RMDN2: variants seen among roughly 807,000 people sequenced by gnomAD.
The protein encoded by RMDN2 is regulator of microtubule dynamics protein 2.
RMDN2 carries 61 observed loss-of-function variants against 52.8 expected under a neutral mutation model. The observed-to-expected ratio is 1.16, with a 90% confidence interval of 0.94 to 1.43. RMDN2 has a LOEUF of 1.43. RMDN2 is among the 40% of genes most tolerant of loss of function. RMDN2 has a pLI of 0.00. For synonymous variants in RMDN2, 180 were observed against 153.1 expected (o/e 1.18, Z -1.30); for missense variants, 592 against 475.3 (o/e 1.25, Z -2.28).
chr2:37,950,610 A>G, intron 2 of RMDN2: 1 of 1,612,590 alleles, frequency 6.2e-7, no homozygotes, highest in Non-Finnish European at 8.5e-7. Context: ...GCCTTAGAAA[A>G]AAACTTCAAC....
chr2:37,962,362 T>C (rs1427191471), intron 2 of RMDN2, among the ~76,000 whole-genome samples: 2 of 152,224 alleles, frequency 1.3e-5, no homozygotes, highest in African/African-American at 4.8e-5. Context: ...TGACTGGTGC[T>C]GCTGCCTTTC....
intron 1 of RMDN2, among the ~76,000 whole-genome samples, chr2:37,928,524 C>T (rs1366741533): frequency 6.6e-6 from 1 of 152,246 alleles, no homozygotes; most frequent in African/African-American, 2.4e-5. Flanking sequence ...CAGCTATTTA[C>T]TTTGCTTCCT....
chr2:37,988,455 C>A (rs1406047362), intron 5 of RMDN2, among the ~76,000 whole-genome samples: 2 of 152,064 alleles, frequency 1.3e-5, no homozygotes, highest in East Asian at 3.9e-4. Flanking sequence ...TATACAGAAA[C>A]TGAAAACAGA....
intron 10 of RMDN2, among the ~76,000 whole-genome samples, chr2:38,015,293 G>A (rs750733977): frequency 2.6e-5 from 4 of 152,192 alleles, no homozygotes; most frequent in Non-Finnish European, 4.4e-5. Context: ...TCGACTGGGC[G>A]TGGTGGCTCA....
rs752146621 is a variant in RMDN2, at chr2:38,004,050, G to A, written c.1098+6G>A. 1.2e-6 allele frequency: 2 copies of A among 1,611,330 alleles called. No homozygotes were observed. Among genetic ancestry groups the A allele is most frequent in the Non-Finnish European group, 1.7e-6 (2 of 1,177,626 alleles). On this transcript the variant is annotated splice_donor_region_variant and intron_variant, in intron 9 of 10. Transcript: ENST00000354545. ...ATTACATGTACTTAGCAAAGGTAAT[G>A]AAGACCACTGTTCTGCTTTAAGATC... is the stretch of plus-strand genomic sequence containing the variant.
chr2:37,950,254 C>T, intron 2 of RMDN2: 1 of 459,802 alleles, frequency 2.2e-6, no homozygotes, highest in Non-Finnish European at 4.0e-6. Context: ...GTACAGCTGT[C>T]ATATATGTTA....
chr2:37,931,920 C>A (rs1476969384), intron 2 of RMDN2, among the ~76,000 whole-genome samples: 3 of 152,140 alleles, frequency 2.0e-5, no homozygotes, highest in African/African-American at 7.2e-5. Context: ...GTGCCTTGGA[C>A]TACAGCAAAT....
intron 2 of RMDN2, among the ~76,000 whole-genome samples, chr2:37,965,684 C>G (rs1670946810): frequency 6.6e-6 from 1 of 151,898 alleles, no homozygotes; most frequent in Non-Finnish European, 1.5e-5. Flanking sequence ...TTATATTTTC[C>G]CATGTCTTTA....
intron 2 of RMDN2, among the ~76,000 whole-genome samples, chr2:37,970,525 G>A (rs1671673249): frequency 6.6e-6 from 1 of 152,192 alleles, no homozygotes; most frequent in East Asian, 1.9e-4. Context: ...TTTGGTTTTT[G>A]TGTCAGTTAT....
At chr2:37,922,956 G>C (rs147502964), upstream of RMDN2, among the ~76,000 whole-genome samples, 1 of 152,350 alleles carries the variant, frequency 6.6e-6, no homozygotes, top group African/African-American at 2.4e-5. Context: ...AGCTGGAAAA[G>C]TAGGTTGGGG....
At chr2:37,935,084 ATT>A (rs1307309320) in intron 2 of RMDN2, among the ~76,000 whole-genome samples, 3 of 152,104 alleles carry the variant, frequency 2.0e-5, no homozygotes, top group African/African-American at 7.2e-5. Context: ...AGATATTTTC[ATT>A]TACTGTTAGG....
At chr2:38,030,494 A>C (rs945919761) in intron 10 of RMDN2, 2 of 152,228 alleles carry the variant, frequency 1.3e-5, no homozygotes, top group African/African-American at 4.8e-5. Context: ...GAATTGGAAA[A>C]GTAAAAGATG....
At chr2:37,930,098 T>G (rs929934043) in intron 2 of RMDN2, among the ~76,000 whole-genome samples, 9 of 152,248 alleles carry the variant, frequency 5.9e-5, no homozygotes, top group Non-Finnish European at 1.0e-4. Context: ...ATGGAAATGG[T>G]CCAAGTCTGT....
chr2:38,000,128 G>A (rs574809372), intron 8 of RMDN2, among the ~76,000 whole-genome samples: 1 of 152,296 alleles, frequency 6.6e-6, no homozygotes, highest in African/African-American at 2.4e-5. Context: ...ATCTAGGGAG[G>A]TGGTTTAGAC....
intron 2 of RMDN2, among the ~76,000 whole-genome samples, chr2:37,964,144 G>A (rs980536938): frequency 5.3e-5 from 8 of 151,566 alleles, no homozygotes; most frequent in East Asian, 3.9e-4. Flanking sequence ...CAGACGGGGC[G>A]CCTGCCGGGC....
intron 2 of RMDN2, among the ~76,000 whole-genome samples, chr2:37,943,407 C>G (rs1215622545): frequency 6.6e-6 from 1 of 152,152 alleles, no homozygotes; most frequent in East Asian, 1.9e-4. Context: ...CTTTCTGATC[C>G]AAGCAGGAAT....
intron 2 of RMDN2, among the ~76,000 whole-genome samples, chr2:37,936,410 G>GT (rs1667291770): frequency 6.6e-6 from 1 of 152,154 alleles, no homozygotes; most frequent in Non-Finnish European, 1.5e-5. Context: ...TATATACCCC[G>GT]TAATGGGATT....
upstream of RMDN2, among the ~76,000 whole-genome samples, chr2:37,925,061 G>A (rs1420200578): frequency 6.6e-6 from 1 of 152,232 alleles, no homozygotes; most frequent in African/African-American, 2.4e-5. Flanking sequence ...GGGCTAGCGC[G>A]GAGGCCCAGA....
In RMDN2 at chr2:38,004,159, C is replaced by G. The variant is rs756493731; in HGVS notation, c.1122C>G (p.Asn374Lys). Residue 374 changes from asparagine (N) to lysine (K), a missense_variant, in exon 10 of 11, where the codon AAC becomes AAG. Transcript: ENST00000354545. ...AGTGTTATACTGATCTTGAGGAAAA[C>G]CAGAATGCTTTGAAGTTCTGTAATT... is the stretch of plus-strand genomic sequence containing the variant. ...LAKCYTDLEE[N>K]QNALKFCNLA... 2.5e-6 allele frequency: 4 copies of G among 1,613,742 alleles called. No individual in the cohort carries two copies. The South Asian group carries it at 4.4e-5, about 18-fold the overall frequency.
Sources: gnomAD v4.1 joint callset for allele counts (sites outside exome capture counted in the v4.1 genomes callset) on GRCh38, gnomAD v4.1.1 for gene constraint, MANE v1.5 for transcripts, NCBI Gene and HGNC (gene_info 2026-07-23, HGNC 2026-07-21) for gene names.